The following CHID1 variants were observed in gnomAD, a reference collection of about 807,000 sequenced individuals.
CHID1 encodes chitinase domain containing 1.
CHID1 carries 44 observed loss-of-function variants against 55.4 expected under a neutral mutation model. The ratio of observed to expected loss-of-function variants is 0.79; its 90% CI spans 0.62 to 1.02. The LOEUF (loss-of-function observed/expected upper bound fraction) is 1.02. Ranked by LOEUF, CHID1 falls within the 50% of genes least tolerant of loss-of-function variation. The pLI, the probability that CHID1 is intolerant of heterozygous loss-of-function variation, is 0.00. For synonymous variants in CHID1, 216 were observed against 212.9 expected (o/e 1.01, Z -0.13); for missense variants, 491 against 515.3 (o/e 0.95, Z 0.46).
chr11:891,177 C>G (rs562815155), intron 8 of CHID1, among the ~76,000 whole-genome samples: 22 of 152,300 alleles, frequency 1.4e-4, no homozygotes, highest in Non-Finnish European at 3.2e-4. Flanking sequence ...ACGGGAGCCT[C>G]AGCACCTTCA....
rs1173623181 is a variant in CHID1, at chr11:875,124, G to A, written c.960-4625C>T. Among the ~76,000 whole-genome samples, 1 of 152,224 alleles carries A rather than the reference G, an allele frequency of 6.6e-6. No homozygotes were observed. The highest frequency in any genetic ancestry group is 1.5e-5 in the Non-Finnish European group (1 of 68,028). On this transcript the variant is annotated intron_variant, in intron 10 of 12. Coordinates refer to ENST00000323578, the MANE Select transcript of CHID1 (RefSeq NM_023947.4). This position sits in a 1 kb window ranked among gnomAD's most constrained non-coding sequence, Gnocchi z 4.7. ...GCAATGGTGAGGCCCCCAGTGCCAGGCCCAGGCCCCCTCCTGAAGGGAGGA... is the reference window on the plus strand; with the variant it reads ...GCAATGGTGAGGCCCCCAGTGCCAGACCCAGGCCCCCTCCTGAAGGGAGGA...
chr11:876,041 TAAGTG>T (rs1268349781), intron 10 of CHID1, among the ~76,000 whole-genome samples: 1 of 151,974 alleles, frequency 6.6e-6, no homozygotes, highest in Non-Finnish European at 1.5e-5. Context: ...TCGCAGCTAA[TAAGTG>T]AGATTTCAGC....
chr11:880,458 TAG>T (rs1204657623), intron 10 of CHID1, among the ~76,000 whole-genome samples: 1 of 152,098 alleles, frequency 6.6e-6, no homozygotes, highest in Admixed American at 6.5e-5. Flanking sequence ...AGTGTGCACG[TAG>T]AGTGTCGGGG....
chr11:870,673 C>A (rs1417937704), intron 10 of CHID1, 174 bp from the exon 11 acceptor site: 5 of 597,818 alleles, frequency 8.4e-6, no homozygotes, highest in Non-Finnish European at 1.5e-5. Context: ...GCCGTGTGAA[C>A]CCTGTATTAG....
upstream of CHID1, chr11:915,110 G>T (rs925653327): frequency 6.5e-6 from 1 of 153,186 alleles, no homozygotes; most frequent in South Asian, 2.0e-4. Flanking sequence ...ATCCTCTCTG[G>T]GTGCTGGGAT....
At chr11:895,777 G>A (rs971134707) in intron 7 of CHID1, among the ~76,000 whole-genome samples, 12 of 152,142 alleles carry the variant, frequency 7.9e-5, no homozygotes, top group African/African-American at 2.9e-4. Flanking sequence ...TCAGAGGCAG[G>A]ACTGTGCTGA....
At chr11:893,704 T>A (rs1160560377) in intron 7 of CHID1, among the ~76,000 whole-genome samples, 185 bp from the exon 8 acceptor site, 1 of 150,532 alleles carries the variant, frequency 6.6e-6, no homozygotes, top group Non-Finnish European at 1.5e-5. Flanking sequence ...CAACACTGTC[T>A]CATGCCCCAG....
chr11:905,982 G>T (rs1321142488), intron 1 of CHID1, among the ~76,000 whole-genome samples: 1 of 152,198 alleles, frequency 6.6e-6, no homozygotes, highest in Non-Finnish European at 1.5e-5. Flanking sequence ...TTCATAACAT[G>T]CAAATAAATC....
intron 7 of CHID1, 112 bp from the exon 8 acceptor site, chr11:893,631 C>A: frequency 1.3e-6 from 1 of 794,020 alleles, no homozygotes; most frequent in Non-Finnish European, 2.0e-6. Context: ...GCCTGACACC[C>A]TGCAGCAGGG....
chr11:911,925 C>A (rs914924721), upstream of CHID1, among the ~76,000 whole-genome samples: 2 of 152,220 alleles, frequency 1.3e-5, no homozygotes, highest in Non-Finnish European at 2.9e-5. Flanking sequence ...GGGACATATG[C>A]GCAGTCCTCC....
At chr11:899,307 G>C (rs769624073) in intron 7 of CHID1, 33 bp downstream of exon 7, 12 of 1,576,664 alleles carry the variant, frequency 7.6e-6, no homozygotes, top group Non-Finnish European at 1.0e-5. Context: ...GGGCCAGGAG[G>C]AGGGCCACCC....
intron 7 of CHID1, among the ~76,000 whole-genome samples, chr11:896,338 T>A: frequency 5.6e-5 from 4 of 71,726 alleles, no homozygotes; most frequent in East Asian, 4.7e-4. Context: ...ACCCCAGACA[T>A]GAGGGTGTCT....
chr11:914,691 C>G, upstream of CHID1: 2 of 490,990 alleles, frequency 4.1e-6, no homozygotes, highest in Non-Finnish European at 6.7e-6. Context: ...CTGCTGCACT[C>G]CAGCCTGGGC....
At chr11:880,982 C>T (rs879285920) in intron 10 of CHID1, among the ~76,000 whole-genome samples, 5 of 152,228 alleles carry the variant, frequency 3.3e-5, no homozygotes, top group Non-Finnish European at 5.9e-5. Flanking sequence ...AGGAAGGCAG[C>T]ATAATAGGAC....
chr11:900,206 A>T, intron 5 of CHID1, 96 bp from the exon 6 acceptor site: 1 of 935,628 alleles, frequency 1.1e-6, no homozygotes, highest in Non-Finnish European at 1.7e-6. Context: ...CTTGGCCTCC[A>T]GAGGGAAGTG....
At chr11:889,302 G>A (rs1162974866) in intron 8 of CHID1, among the ~76,000 whole-genome samples, 1 of 152,152 alleles carries the variant, frequency 6.6e-6, no homozygotes, top group African/African-American at 2.4e-5. Context: ...ACCCACCTTG[G>A]TCCTGACACT....
upstream of CHID1, among the ~76,000 whole-genome samples, chr11:913,893 C>T (rs1209087123): frequency 1.3e-5 from 2 of 152,016 alleles, no homozygotes. Flanking sequence ...GGTGAAACCC[C>T]GTCTCTACTA....
At chr11:874,643 T>TG (rs1282194793) in intron 10 of CHID1, 1 of 152,190 alleles carries the variant, frequency 6.6e-6, no homozygotes, top group Non-Finnish European at 1.5e-5. Context: ...TTTGTAGAGA[T>TG]GGGGGTCTTG....
chr11:876,090 G>A (rs999943203), intron 10 of CHID1, among the ~76,000 whole-genome samples: 1 of 152,194 alleles, frequency 6.6e-6, no homozygotes. Flanking sequence ...AACACAAGGC[G>A]AGAACAGAGG....
Sources: gnomAD v4.1 joint callset for allele counts (sites outside exome capture counted in the v4.1 genomes callset) on GRCh38, gnomAD v4.1.1 for gene constraint, Gnocchi (gnomAD v3.1) non-coding constraint, MANE v1.5 for transcripts, NCBI Gene and HGNC (gene_info 2026-07-23, HGNC 2026-07-21) for gene names.